FBXL5: variants seen among roughly 807,000 people sequenced by gnomAD.
The protein encoded by FBXL5 is F-box/LRR-repeat protein 5.
A neutral mutation model predicts 78.3 loss-of-function variants in FBXL5; 26 were observed. The ratio of observed to expected loss-of-function variants is 0.33; its 90% confidence interval spans 0.24 to 0.46. FBXL5 has a LOEUF of 0.46. FBXL5 is among the 20% of genes least tolerant of loss of function. FBXL5 has a pLI of 1.00. For missense variants in FBXL5, 710 were observed against 829.2 expected, an observed-to-expected ratio of 0.86 and a Z score of 1.77; for synonymous variants, 295 against 282.5, an observed-to-expected ratio of 1.04 and a Z score of -0.45.
chr4:15,610,275 T>G (rs1392165393), intron 10 of FBXL5, among the ~76,000 whole-genome samples: 1 of 152,082 alleles, frequency 6.6e-6, no homozygotes, highest in African/African-American at 2.4e-5. Context: ...GAAAAGACTA[T>G]GAGAGAGCAT....
intron 4 of FBXL5, among the ~76,000 whole-genome samples, chr4:15,637,909 A>T (rs1277317601): frequency 6.6e-6 from 1 of 151,976 alleles, no homozygotes. Context: ...TTTTAAAAAA[A>T]AAAAAAAAGG....
intron 10 of FBXL5, among the ~76,000 whole-genome samples, chr4:15,606,218 T>C (rs1307643967): frequency 2.0e-5 from 3 of 152,078 alleles, no homozygotes; most frequent in Non-Finnish European, 2.9e-5. Flanking sequence ...TATTGAGCAA[T>C]TACAATAAAT....
intron 5 of FBXL5, among the ~76,000 whole-genome samples, chr4:15,634,444 C>T (rs187471709): frequency 1.3e-4 from 20 of 152,170 alleles, no homozygotes; most frequent in Non-Finnish European, 7.4e-5. Context: ...CAGCTCACTG[C>T]CACCTCTGCC....
In FBXL5 at chr4:15,630,746, T is replaced by G. The variant is rs890239348; in HGVS notation, c.812A>C (p.Asp271Ala). 1.2e-6 allele frequency: 2 copies of G among 1,611,010 alleles called. No homozygotes were observed. The highest frequency in any genetic ancestry group is 1.7e-6 in the Non-Finnish European group (2 of 1,179,080). The part of the protein sequence containing the change: ...GPATELDTEP[D>A]DEWVKNRKDE... ...TTTCCTATTTTTCACCCATTCATCATCAGGTTCAGTATCAAGTTCAGTTGC... is the reference window on the plus strand; with the variant it reads ...TTTCCTATTTTTCACCCATTCATCAGCAGGTTCAGTATCAAGTTCAGTTGC... Residue 271 changes from aspartate (D) to alanine (A), a missense_variant, in exon 6 of 11, where the codon GAT becomes GCT. Transcript: ENST00000341285.
chr4:15,657,869 C>T (rs1185416423), upstream of FBXL5, among the ~76,000 whole-genome samples: 1 of 152,170 alleles, frequency 6.6e-6, no homozygotes. Context: ...TGTCACTTTA[C>T]CTCTCTGTGA....
intron 1 of FBXL5, among the ~76,000 whole-genome samples, chr4:15,672,959 C>T (rs1717828017): frequency 6.6e-6 from 1 of 152,018 alleles, no homozygotes; most frequent in Non-Finnish European, 1.5e-5. Context: ...TACACAGGGT[C>T]ACAATCAACA....
At chr4:15,618,277 C>G (rs1712112758) in intron 9 of FBXL5, among the ~76,000 whole-genome samples, 1 of 152,074 alleles carries the variant, frequency 6.6e-6, no homozygotes, top group African/African-American at 2.4e-5. Context: ...GCCTGTATTC[C>G]CAACTACACT....
rs201526703 is a variant in FBXL5, at chr4:15,667,196, G to A, written c.-283-7274C>T. Reference sequence around the variant, plus strand: ...ACACGTCGTAGTACTTAGGTTCTTGGCTCTTTCACTAAACAGCCACATGAT... The same window carrying A: ...ACACGTCGTAGTACTTAGGTTCTTGACTCTTTCACTAAACAGCCACATGAT... On this transcript the variant is annotated intron_variant, in intron 1 of 4. Coordinates refer to the FBXL5 transcript ENST00000507899. Among the ~76,000 whole-genome samples, 5 of 152,258 alleles carry A rather than the reference G, an allele frequency of 3.3e-5. No homozygotes were observed. In the East Asian group the frequency reaches 7.7e-4, roughly 23 times the overall value.
intron 9 of FBXL5, 42 bp downstream of exon 9, chr4:15,625,210 A>G (rs1712910806): frequency 1.3e-6 from 2 of 1,519,204 alleles, no homozygotes; most frequent in South Asian, 1.4e-5. Context: ...TTTGGAAATG[A>G]GAACACGTCT....
Position 15,636,596 on chromosome 4 carries a change from G to T in FBXL5, c.664C>A (p.Pro222Thr). Residue 222 changes from proline (P) to threonine (T), a missense_variant, in exon 5 of 11, where the codon CCT (proline) becomes ACT (threonine). Physicochemically the swap from Pro to Thr is conservative, Grantham distance 38. Coordinates refer to ENST00000341285, the MANE Select transcript of FBXL5 (RefSeq NM_012161.4). Reference sequence around the variant, plus strand: ...TGACTGCATCGACATAACTCTTGAGGATTAAGATAGCTGAAAATTGACAGC... The same window carrying T: ...TGACTGCATCGACATAACTCTTGAGTATTAAGATAGCTGAAAATTGACAGC... ...VMLSIFSYLN[P>T]QELCRCSQVS... The T allele has an allele frequency of 6.2e-7, 1 of 1,614,000 alleles. No individual in the cohort carries two copies. The highest frequency in any genetic ancestry group is 8.5e-7 in the Non-Finnish European group (1 of 1,179,938).
chr4:15,677,715 G>C (rs926819212), intron 1 of FBXL5, among the ~76,000 whole-genome samples: 1 of 152,138 alleles, frequency 6.6e-6, no homozygotes, highest in Non-Finnish European at 1.5e-5. Flanking sequence ...TCTTCCATTT[G>C]GCTGTTCCCA....
intron 1 of FBXL5, among the ~76,000 whole-genome samples, chr4:15,652,319 C>A (rs549516007): frequency 8.8e-4 from 134 of 152,262 alleles, no homozygotes; most frequent in African/African-American, 3.1e-3. Context: ...AACTAGGAAT[C>A]CTAACAATGA....
intron 5 of FBXL5, among the ~76,000 whole-genome samples, chr4:15,633,557 T>C (rs995273459): frequency 6.6e-6 from 1 of 152,184 alleles, no homozygotes; most frequent in Non-Finnish European, 1.5e-5. Context: ...AACTAAATTA[T>C]ATGATCATGA....
chr4:15,634,206 C>G (rs1713988927), intron 5 of FBXL5, among the ~76,000 whole-genome samples: 1 of 151,748 alleles, frequency 6.6e-6, no homozygotes, highest in South Asian at 2.1e-4. Flanking sequence ...CTTTTTAAGA[C>G]AGAGTCTTCC....
chr4:15,652,406 G>T (rs1343505065), intron 1 of FBXL5, among the ~76,000 whole-genome samples: 1 of 152,136 alleles, frequency 6.6e-6, no homozygotes, highest in Non-Finnish European at 1.5e-5. Flanking sequence ...TAAGTCCCCA[G>T]CTATAAAACA....
chr4:15,652,367 G>A (rs1716184069), intron 1 of FBXL5, among the ~76,000 whole-genome samples: 2 of 152,180 alleles, frequency 1.3e-5, no homozygotes, highest in South Asian at 2.1e-4. Context: ...AGCTGCTTAT[G>A]TAACCTTGGC....
In FBXL5 at chr4:15,644,650, T is replaced by A; in HGVS notation, c.143A>T (p.Tyr48Phe). The change falls in exon 2 of 11, where the codon TAT (tyrosine) becomes TTT (phenylalanine). Residue 48 changes from tyrosine to phenylalanine, a missense_variant. Physicochemically the swap from Tyr to Phe is conservative, Grantham distance 22 (BLOSUM62 3). Around this residue, in one of 4 missense-constraint regions of FBXL5, gnomAD observed 132 missense variants for 156.9 expected, o/e 0.84. Coordinates refer to ENST00000341285, the MANE Select transcript of FBXL5 (RefSeq NM_012161.4). Reference sequence around the variant, plus strand: ...CATTTTGAACTCCTTGAAAGTAGCATACAAAGACTGCAGAAGAGCACGGAA... The same window carrying A: ...CATTTTGAACTCCTTGAAAGTAGCAAACAAAGACTGCAGAAGAGCACGGAA... ...NDFRALLQSL[Y>F]ATFKEFKMHE... is the part of the protein sequence containing the mutation. 6.2e-7 allele frequency: 1 copy of A among 1,614,070 alleles called. No individual in the cohort carries two copies. The highest frequency in any genetic ancestry group is 8.5e-7 in the Non-Finnish European group (1 of 1,179,990).
intron 10 of FBXL5, among the ~76,000 whole-genome samples, chr4:15,609,192 G>A (rs1188434907): frequency 6.6e-6 from 1 of 151,992 alleles, no homozygotes. Context: ...CTTCCATCTC[G>A]ATGTAGGACA....
At chr4:15,612,440 A>G in intron 9 of FBXL5, 26 bp from the exon 10 acceptor site, 1 of 1,592,924 alleles carries the variant, frequency 6.3e-7, no homozygotes, top group Non-Finnish European at 8.5e-7. Context: ...TTTGACAATT[A>G]GAAGATACTA....
Sources: gnomAD v4.1 joint callset for allele counts (sites outside exome capture counted in the v4.1 genomes callset) on GRCh38, gnomAD v4.1.1 for gene constraint, gnomAD v4.1.1 regional missense constraint, MANE v1.5 for transcripts, NCBI Gene and HGNC (gene_info 2026-07-23, HGNC 2026-07-21) for gene names.